The following DDHD2 variants were observed in gnomAD, a reference collection of about 807,000 sequenced individuals.
DDHD2 encodes the protein DDHD domain containing 2.
DDHD2 carries 62 observed loss-of-function variants against 91.2 expected under a neutral mutation model. That is an observed-to-expected ratio of 0.68 (90% CI 0.55 to 0.84). The LOEUF is 0.84. Ranked by LOEUF, DDHD2 falls within the 40% of genes least tolerant of loss-of-function variation. DDHD2 has a pLI of 0.00. For missense variants in DDHD2, 740 were observed against 846.9 expected (o/e 0.87, Z 1.57); for synonymous variants, 271 against 293.9 (o/e 0.92, Z 0.80).
At chr8:38,253,780 T>C in intron 16 of DDHD2, 62 bp downstream of exon 16, 1 of 1,549,288 alleles carries the variant, frequency 6.5e-7, no homozygotes, top group Non-Finnish European at 8.8e-7. Flanking sequence ...ATTTGATAGA[T>C]GTAGAAAAAG....
chr8:38,234,504 A>C lies in DDHD2; in HGVS notation c.331A>C (p.Arg111=). 1 of 1,613,500 alleles carries C rather than the reference A, an allele frequency of 6.2e-7. No homozygotes were observed. Among genetic ancestry groups the C allele is most frequent in the Non-Finnish European group, 8.5e-7 (1 of 1,179,924 alleles). Residue 111 remains arginine, a synonymous_variant, in exon 3 of 18, where the codon AGA becomes CGA. Coordinates refer to ENST00000397166, the MANE Select transcript of DDHD2 (RefSeq NM_015214.3). ...VYWDELASEV[R]RCTWFYKGDK... Reference sequence around the variant, plus strand: ...CTGGGATGAACTGGCATCGGAAGTGAGACGATGTACGTGGTTTTACAAGGG... The same window carrying C: ...CTGGGATGAACTGGCATCGGAAGTGCGACGATGTACGTGGTTTTACAAGGG...
chr8:38,245,250 G>A lies in DDHD2; in HGVS notation c.849-492G>A, dbSNP rs1439777185. Among the ~76,000 whole-genome samples, 3 of 151,608 alleles carry A rather than the reference G, an allele frequency of 2.0e-5. No individual in the cohort carries two copies. In the East Asian group the frequency reaches 5.8e-4, roughly 29 times the overall value. ...AGTTTGAGACCAGCCTGGCTAACAT[G>A]ACAAAACCCTGTCACTACTAAAAAT... On this transcript the variant is annotated intron_variant, in intron 7 of 17. Coordinates refer to ENST00000397166, the MANE Select transcript of DDHD2 (RefSeq NM_015214.3).
At chr8:38,249,523 T>C (rs1224302490) in intron 10 of DDHD2, among the ~76,000 whole-genome samples, 185 bp from the exon 11 acceptor site, 2 of 151,742 alleles carry the variant, frequency 1.3e-5, no homozygotes, top group African/African-American at 4.8e-5. Flanking sequence ...TAAGTATTGA[T>C]ATTTTCTATT....
intron 5 of DDHD2, chr8:38,239,164 A>T (rs932202867): frequency 6.6e-6 from 1 of 152,020 alleles, no homozygotes; most frequent in African/African-American, 2.4e-5. Flanking sequence ...ACTTGAGCCC[A>T]GGAGTTCGAG....
At position 38,253,009 on chromosome 8, in the gene DDHD2, A is replaced by G. The variant is rs185319138; in HGVS notation, c.1773A>G (p.Leu591=). 4.3e-6 allele frequency: 7 copies of G among 1,614,188 alleles called. No individual in the cohort carries two copies. In the African/African-American group the frequency reaches 6.7e-5, roughly 15 times the overall value. Residue 591 remains leucine (L), a synonymous_variant, in exon 15 of 18, where the codon CTA becomes CTG. Transcript: ENST00000397166. The part of the protein sequence containing the change: ...RMSMDLKNNL[L]GSLRMAWKSF... ...GTATGGACCTTAAGAACAACTTGCTAGGTTCGCTGCGGATGGCCTGGAAGT... is the reference window on the plus strand; with the variant it reads ...GTATGGACCTTAAGAACAACTTGCTGGGTTCGCTGCGGATGGCCTGGAAGT...
Position 38,253,007 on chromosome 8 carries a change from C to G in DDHD2, c.1771C>G (p.Leu591Val). 2 of 1,614,158 alleles carry G rather than the reference C, an allele frequency of 1.2e-6. No individual in the cohort carries two copies. The highest frequency in any genetic ancestry group is 1.7e-6 in the Non-Finnish European group (2 of 1,180,012). ...RMSMDLKNNLLGSLRMAWKSF... is the reference protein window; with the variant it reads ...RMSMDLKNNLVGSLRMAWKSF... ...GAGTATGGACCTTAAGAACAACTTG[C>G]TAGGTTCGCTGCGGATGGCCTGGAA... The change falls in exon 15 of 18, where the codon CTA (leucine) becomes GTA (valine). Residue 591 changes from leucine (L) to valine (V), a missense_variant. Coordinates refer to ENST00000397166, the MANE Select transcript of DDHD2 (RefSeq NM_015214.3).
Position 38,251,993 on chromosome 8 carries a change from A to G in DDHD2, c.1426A>G (p.Arg476Gly). 6.2e-7 allele frequency: 1 copy of G among 1,614,162 alleles called. No homozygotes were observed. Among genetic ancestry groups the G allele is most frequent in the Non-Finnish European group, 8.5e-7 (1 of 1,179,966 alleles). The change falls in exon 12 of 18, where the codon AGA becomes GGA. Residue 476 changes from arginine (R) to glycine (G), a missense_variant. Physicochemically the swap from Arg to Gly is moderately radical, Grantham distance 125 (BLOSUM62 -2). Coordinates refer to ENST00000397166, the MANE Select transcript of DDHD2 (RefSeq NM_015214.3). ...ESEFCSSSNT[R>G]NGDYLDVGIG... ...TGAGTTCTGCAGTAGCAGTAATACT[A>G]GAAATGGTGACTATCTGGATGTTGG...
intron 5 of DDHD2, among the ~76,000 whole-genome samples, chr8:38,239,373 CAAAA>C (rs529440876): frequency 1.9e-5 from 1 of 51,570 alleles, no homozygotes; most frequent in Admixed American, 2.2e-4. Flanking sequence ...GACTCTGTCT[CAAAA>C]AAAAAAAAAA....
At chr8:38,263,933 T>C, downstream of DDHD2, 1 of 985,316 alleles carries the variant, frequency 1.0e-6, no homozygotes, top group Non-Finnish European at 1.2e-6. Flanking sequence ...TGAAAGATCC[T>C]TTTACTAGAA....
rs962090850 is a variant in DDHD2, at chr8:38,252,738, A to G, written c.1634A>G (p.Tyr545Cys). Reference sequence around the variant, plus strand: ...CCTATGTAGTTTGATCCTGTGGCCTATAGGATTGAACCAATGGTGGTCCCA... The same window carrying G: ...CCTATGTAGTTTGATCCTGTGGCCTGTAGGATTGAACCAATGGTGGTCCCA... ...NIYHPFDPVA[Y>C]RIEPMVVPGV... The change falls in exon 14 of 18, where the codon TAT (tyrosine) becomes TGT (cysteine). Residue 545 changes from tyrosine (Y) to cysteine (C), a missense_variant. Physicochemically the swap from Tyr to Cys is radical, Grantham distance 194. Transcript: ENST00000397166. 9.3e-6 allele frequency: 15 copies of G among 1,613,514 alleles called. No individual in the cohort carries two copies. The highest frequency in any genetic ancestry group is 2.7e-5 in the African/African-American group (2 of 74,874).
At chr8:38,246,067 T>A in intron 8 of DDHD2, 117 bp downstream of exon 8, 1 of 1,240,088 alleles carries the variant, frequency 8.1e-7, no homozygotes, top group Non-Finnish European at 1.2e-6. Flanking sequence ...TGGTCTGTGG[T>A]CAGGAAATTT....
downstream of DDHD2, chr8:38,264,204 G>A (rs1399539522): frequency 3.1e-6 from 3 of 975,234 alleles, no homozygotes; most frequent in African/African-American, 1.7e-5. Flanking sequence ...CTGGAGTGCA[G>A]TGGTGCGATC....
intron 1 of DDHD2, chr8:38,232,289 G>A (rs1804330854): frequency 1.3e-5 from 2 of 152,428 alleles, no homozygotes; most frequent in African/African-American, 4.8e-5. Context: ...GATCGTTGCC[G>A]AGTGGAAGGA....
chr8:38,267,221 A>G, downstream of DDHD2: 2 of 1,613,750 alleles, frequency 1.2e-6, no homozygotes, highest in Non-Finnish European at 1.7e-6. Context: ...GTTAAATTCA[A>G]TGATGTGAAA....
At chr8:38,250,747 G>A (rs920054979) in intron 11 of DDHD2, 5 of 151,862 alleles carry the variant, frequency 3.3e-5, no homozygotes, top group African/African-American at 9.7e-5. Context: ...TATTCATAGA[G>A]TTATGTAACC....
chr8:38,252,937 T>C lies in DDHD2; in HGVS notation c.1721-20T>C. 1 of 1,613,188 alleles carries C rather than the reference T, an allele frequency of 6.2e-7. No homozygotes were observed. Among genetic ancestry groups the C allele is most frequent in the South Asian group, 1.1e-5 (1 of 91,038 alleles). On this transcript the variant is annotated intron_variant, in intron 14 of 17. Coordinates refer to ENST00000397166, the MANE Select transcript of DDHD2 (RefSeq NM_015214.3). ...AAGCTCTTTGTAAATCATTTAATGT[T>C]CTTTATTTATATGTTTCAGAACTGA...
At chr8:38,268,255 T>G in intron 1 of DDHD2, 1 of 1,107,394 alleles carries the variant, frequency 9.0e-7, no homozygotes, top group Non-Finnish European at 1.3e-6. Context: ...GGGGATAGAG[T>G]TCCTTTAGGA....
chr8:38,264,300 C>T, downstream of DDHD2: 1 of 775,670 alleles, frequency 1.3e-6, no homozygotes. Context: ...GCACACAACT[C>T]CTGGCTAATT....
intron 6 of DDHD2, 129 bp from the exon 7 acceptor site, chr8:38,242,121 T>C: frequency 1.4e-6 from 1 of 722,560 alleles, no homozygotes; most frequent in Non-Finnish European, 2.2e-6. Flanking sequence ...GAATACCACT[T>C]TATTTTTGAC....
Sources: gnomAD v4.1 joint callset for allele counts (sites outside exome capture counted in the v4.1 genomes callset) on GRCh38, gnomAD v4.1.1 for gene constraint, MANE v1.5 for transcripts, NCBI Gene and HGNC (gene_info 2026-07-23, HGNC 2026-07-21) for gene names.